MYO1E: variants seen among roughly 807,000 people sequenced by gnomAD.
MYO1E encodes the protein unconventional myosin-Ie.
A neutral mutation model predicts 151.1 loss-of-function variants in MYO1E; 68 were observed. That is an observed-to-expected ratio of 0.45 (90% CI 0.37 to 0.55). The LOEUF (loss-of-function observed/expected upper bound fraction) is 0.55. Among genes scored for constraint, MYO1E ranks in the 20% least tolerant of loss-of-function variants. MYO1E has a pLI of 0.00. For synonymous variants in MYO1E, 601 were observed against 501.7 expected (o/e 1.20, Z -2.64); for missense variants, 1,363 against 1,389.3 (o/e 0.98, Z 0.30).
chr15:59,148,184 T>C (rs932951869), intron 26 of MYO1E, among the ~76,000 whole-genome samples: 5 of 150,930 alleles, frequency 3.3e-5, no homozygotes, highest in African/African-American at 7.3e-5. Context: ...ACACCAAGAG[T>C]AGAAAGATTA....
Position 59,308,731 on chromosome 15 carries a change from C to T in MYO1E, c.4-36282G>A, listed in dbSNP as rs561015138. ...GCAGGTGCCCCTAATCCCAGCTACT[C>T]GGGAGGCTGAGGCAGAAGAATTGCT... On this transcript the variant is annotated intron_variant, in intron 1 of 27. Transcript: ENST00000288235. Among the ~76,000 whole-genome samples, 239 of 83,744 alleles carry T rather than the reference C, an allele frequency of 2.9e-3. 1 individual carries two copies. Among genetic ancestry groups the T allele is most frequent in the African/African-American group, 7.9e-3 (220 of 27,934 alleles). 54.9% of individuals were successfully genotyped at this position (83,744 alleles called of 152,430 possible). A position where few individuals can be genotyped will look rare whatever the true frequency, so the allele number is the denominator to read the frequency against.
chr15:59,369,072 A>G (rs2080930452), intron 1 of MYO1E, among the ~76,000 whole-genome samples: 1 of 152,214 alleles, frequency 6.6e-6, no homozygotes, highest in Admixed American at 6.5e-5. Flanking sequence ...GGAGACTACT[A>G]GCAATCTGAT....
At chr15:59,310,180 G>A (rs2080541560) in intron 1 of MYO1E, among the ~76,000 whole-genome samples, 1 of 152,110 alleles carries the variant, frequency 6.6e-6, no homozygotes, top group Non-Finnish European at 1.5e-5. Context: ...CGCTCACGAA[G>A]AACACATGAC....
At chr15:59,326,020 G>C (rs1443245692) in intron 1 of MYO1E, among the ~76,000 whole-genome samples, 1 of 152,100 alleles carries the variant, frequency 6.6e-6, no homozygotes, top group African/African-American at 2.4e-5. Context: ...TAGGAAGAGG[G>C]AAGTCACCAC....
chr15:59,285,679 C>CAATT (rs1418223661), intron 1 of MYO1E, among the ~76,000 whole-genome samples: 1 of 151,668 alleles, frequency 6.6e-6, no homozygotes, highest in Non-Finnish European at 1.5e-5. Context: ...ATAATAAAAT[C>CAATT]AATTAATTAA....
intron 1 of MYO1E, among the ~76,000 whole-genome samples, chr15:59,321,397 C>A (rs2080625103): frequency 6.6e-6 from 1 of 151,636 alleles, no homozygotes; most frequent in South Asian, 2.1e-4. Flanking sequence ...TTTACCACAG[C>A]ACTATTCACA....
chr15:59,314,682 T>C (rs979769236), intron 1 of MYO1E, among the ~76,000 whole-genome samples: 3 of 151,984 alleles, frequency 2.0e-5, no homozygotes, highest in African/African-American at 4.8e-5. Flanking sequence ...GATTCATTCT[T>C]GGTGGTCAGA....
chr15:59,369,713 A>G (rs1949094389), intron 1 of MYO1E, among the ~76,000 whole-genome samples: 1 of 152,192 alleles, frequency 6.6e-6, no homozygotes, highest in South Asian at 2.1e-4. Flanking sequence ...AGTGTCCCAA[A>G]GTGAGTTTTC....
At chr15:59,193,586 T>G (rs1458132794) in intron 17 of MYO1E, among the ~76,000 whole-genome samples, 1 of 152,124 alleles carries the variant, frequency 6.6e-6, no homozygotes, top group Non-Finnish European at 1.5e-5. Flanking sequence ...TGAGAGGGAT[T>G]AACCTGTAGA....
intron 1 of MYO1E, among the ~76,000 whole-genome samples, chr15:59,305,187 T>C (rs1410950365): frequency 6.6e-6 from 1 of 152,114 alleles, no homozygotes; most frequent in Non-Finnish European, 1.5e-5. Flanking sequence ...CATTCCACAA[T>C]TTATTTATTA....
rs141980187 is a variant in MYO1E, at chr15:59,138,347, C to T, written c.3101G>A (p.Ser1034Asn). The change falls in exon 27 of 28, where the codon AGT becomes AAT. Residue 1034 changes from serine to asparagine, a missense_variant. Physicochemically the swap from Ser to Asn is conservative, Grantham distance 46 (BLOSUM62 1). Coordinates refer to ENST00000288235, the MANE Select transcript of MYO1E (RefSeq NM_004998.4). Reference protein sequence around the residue: ...GAAGVRRQTTSRPPPAGGRPK... With the variant: ...GAAGVRRQTTNRPPPAGGRPK... ...TCTGCCCCCTGCTGGGGGAGGCCGA[C>T]TGGTTGTTTGTCTCCTGACCCTGTG... 37 of 1,614,120 alleles carry T rather than the reference C, an allele frequency of 2.3e-5. No homozygotes were observed. The African/African-American group carries it at 4.4e-4, about 19-fold the overall frequency.
rs527493222 is a variant in MYO1E, at chr15:59,242,852, G to C, written c.333-6180C>G. 2.0e-3 allele frequency among the ~76,000 whole-genome samples: 308 copies of C among 152,290 alleles called. 2 individuals carry two copies. The highest frequency in any genetic ancestry group is 7.0e-3 in the African/African-American group (291 of 41,560). On this transcript the variant is annotated intron_variant, in intron 4 of 27. Coordinates refer to ENST00000288235, the MANE Select transcript of MYO1E (RefSeq NM_004998.4). Reference sequence around the variant, plus strand: ...ATGCATGACCTGAGCCTGGTCACGAGGAAATGGGTAGACTCAGCCTGAAGT... The same window carrying C: ...ATGCATGACCTGAGCCTGGTCACGACGAAATGGGTAGACTCAGCCTGAAGT...
intron 12 of MYO1E, among the ~76,000 whole-genome samples, chr15:59,211,348 CTT>C (rs1460279977): frequency 6.6e-6 from 1 of 152,144 alleles, no homozygotes; most frequent in Non-Finnish European, 1.5e-5. Context: ...ACTGGTTTCA[CTT>C]TGTCAGCTTC....
At chr15:59,161,302 G>A (rs1286758767) in intron 23 of MYO1E, 72 bp from the exon 24 acceptor site, 14 of 1,518,534 alleles carry the variant, frequency 9.2e-6, no homozygotes, top group Admixed American at 5.5e-5. Context: ...ATCCCGCCAC[G>A]GAGTTCTGCT....
intron 1 of MYO1E, among the ~76,000 whole-genome samples, chr15:59,360,845 AG>A (rs2084489071): frequency 6.6e-6 from 1 of 152,218 alleles, no homozygotes; most frequent in East Asian, 1.9e-4. Flanking sequence ...CCTGCCTCCA[AG>A]TATTCCCGCA....
chr15:59,158,048 T>A (rs1327624935), intron 25 of MYO1E, among the ~76,000 whole-genome samples: 1 of 152,230 alleles, frequency 6.6e-6, no homozygotes, highest in African/African-American at 2.4e-5. Context: ...AAGGGAGTAA[T>A]ATTTCGAGGT....
At chr15:59,165,939 T>A (rs4775120) in intron 22 of MYO1E, among the ~76,000 whole-genome samples, 49,627 of 151,814 alleles carry the variant, frequency 0.33, 9,012 homozygotes, top group East Asian at 0.57. Flanking sequence ...GTGGCCTGGC[T>A]GAACTGTGGC....
At chr15:59,265,792 T>TAAA (rs59957325) in intron 2 of MYO1E, among the ~76,000 whole-genome samples, 2 of 106,330 alleles carry the variant, frequency 1.9e-5, no homozygotes, top group Non-Finnish European at 3.8e-5. Context: ...CCCATCTCCT[T>TAAA]AAAAAAAAAA....
chr15:59,353,369 A>AAAAAGAAAAGGAAAGAAAAG (rs2080835044), intron 1 of MYO1E, among the ~76,000 whole-genome samples: 1 of 96,850 alleles, frequency 1.0e-5, no homozygotes, highest in African/African-American at 4.2e-5. Flanking sequence ...AAAAAAAAAA[A>AAAAAGAAAAGGAAAGAAAAG]AAAAGAAAAG....
Sources: gnomAD v4.1 joint callset for allele counts (sites outside exome capture counted in the v4.1 genomes callset) on GRCh38, gnomAD v4.1.1 for gene constraint, MANE v1.5 for transcripts, NCBI Gene and HGNC (gene_info 2026-07-23, HGNC 2026-07-21) for gene names.